AOPEP: variants seen among roughly 807,000 people sequenced by gnomAD.
AOPEP encodes the protein aminopeptidase O.
In AOPEP, 77 loss-of-function variants were observed where a neutral mutation model predicts 98.1. That is an observed-to-expected ratio of 0.78 (90% CI 0.65 to 0.95). The LOEUF is 0.95. Ranked by LOEUF, AOPEP falls within the 40% of genes least tolerant of loss-of-function variation. AOPEP has a pLI of 0.00. For missense variants in AOPEP, 1,024 were observed against 1,024.7 expected (o/e 1.00, Z 0.01); for synonymous variants, 346 against 365.3 (o/e 0.95, Z 0.60).
At chr9:94,885,086 C>T (rs998545707) in intron 5 of AOPEP, among the ~76,000 whole-genome samples, 13 of 151,012 alleles carry the variant, frequency 8.6e-5, no homozygotes, top group Non-Finnish European at 7.4e-5. Flanking sequence ...CAGTGGCTCA[C>T]GCCTGTAATC....
intron 5 of AOPEP, among the ~76,000 whole-genome samples, chr9:94,815,082 A>C (rs1048639698): frequency 6.6e-6 from 1 of 152,118 alleles, no homozygotes; most frequent in African/African-American, 2.4e-5. Flanking sequence ...TCTTGGTCCC[A>C]TATTTGTGGG....
chr9:94,764,294 A>G (rs1839072270), intron 2 of AOPEP, among the ~76,000 whole-genome samples: 1 of 152,214 alleles, frequency 6.6e-6, no homozygotes, highest in African/African-American at 2.4e-5. Context: ...AGGTCAGCGT[A>G]AAGTCTAAGA....
chr9:95,148,602 G>T, the AOPEP span, among the ~76,000 whole-genome samples: 10 of 152,168 alleles, frequency 6.6e-5, no homozygotes, highest in African/African-American at 2.4e-4. Flanking sequence ...CTCCATGGTG[G>T]CAGTAATGAC....
chr9:94,887,382 G>A (rs10739990), intron 5 of AOPEP, among the ~76,000 whole-genome samples: 136,292 of 151,316 alleles, frequency 0.9, 61,785 homozygotes, highest in East Asian at 0.97. Context: ...AATAATTCAT[G>A]TAAGTTAAAT....
chr9:94,855,719 G>T (rs1014722338), intron 5 of AOPEP, among the ~76,000 whole-genome samples: 3 of 152,138 alleles, frequency 2.0e-5, no homozygotes, highest in Admixed American at 6.5e-5. Flanking sequence ...AAAAGAAATT[G>T]TGGGGCATCT....
At chr9:94,805,424 A>C (rs1394180465) in intron 5 of AOPEP, among the ~76,000 whole-genome samples, 1 of 151,946 alleles carries the variant, frequency 6.6e-6, no homozygotes, top group East Asian at 1.9e-4. Context: ...ACAGAGAGGG[A>C]AGCTGTGTCT....
chr9:95,068,418 A>G (rs2068132242), intron 14 of AOPEP, among the ~76,000 whole-genome samples: 1 of 152,070 alleles, frequency 6.6e-6, no homozygotes, highest in African/African-American at 2.4e-5. Flanking sequence ...GTATTGACTA[A>G]TGGTGTTGAG....
intron 5 of AOPEP, among the ~76,000 whole-genome samples, chr9:94,868,913 T>A (rs1187551497): frequency 2.0e-5 from 3 of 152,186 alleles, no homozygotes; most frequent in African/African-American, 7.2e-5. Context: ...CTGCAGCTTG[T>A]TTTTTCCTCT....
chr9:95,004,803 C>T (rs914002535), intron 11 of AOPEP, among the ~76,000 whole-genome samples: 2 of 146,248 alleles, frequency 1.4e-5, no homozygotes, highest in African/African-American at 2.5e-5. Flanking sequence ...GCGGGGCGGC[C>T]GGAGCCCGGG....
intron 3 of AOPEP, among the ~76,000 whole-genome samples, chr9:94,773,809 G>A (rs1841429036): frequency 1.3e-5 from 2 of 151,508 alleles, no homozygotes; most frequent in Admixed American, 6.6e-5. Flanking sequence ...TCTGTTGCCC[G>A]GGCTGGAGTG....
chr9:94,914,945 C>T (rs749598162), intron 5 of AOPEP, among the ~76,000 whole-genome samples: 12 of 152,164 alleles, frequency 7.9e-5, no homozygotes, highest in South Asian at 4.1e-4. Context: ...AAAAATTATT[C>T]GTTGTTTATC....
At chr9:95,120,898 C>T in the AOPEP span, among the ~76,000 whole-genome samples, 1 of 152,108 alleles carries the variant, frequency 6.6e-6, no homozygotes, top group Non-Finnish European at 1.5e-5. Context: ...TGGCAGCTTA[C>T]ACTTCTATTT....
At chr9:95,108,284 G>A in the AOPEP span, among the ~76,000 whole-genome samples, 28 of 152,324 alleles carry the variant, frequency 1.8e-4, no homozygotes, top group South Asian at 6.2e-4. Context: ...GAGCGGCAGC[G>A]CTCCAGCAGG....
intron 13 of AOPEP, among the ~76,000 whole-genome samples, chr9:95,060,120 C>T (rs930191333): frequency 6.6e-6 from 1 of 152,202 alleles, no homozygotes; most frequent in Non-Finnish European, 1.5e-5. Context: ...TGTATAGCTG[C>T]ACATATAGTT....
intron 5 of AOPEP, among the ~76,000 whole-genome samples, chr9:94,844,422 A>G (rs1282296199): frequency 6.6e-6 from 1 of 152,244 alleles, no homozygotes; most frequent in Non-Finnish European, 1.5e-5. Context: ...CAGTGCATGT[A>G]TACATAGTAT....
At chr9:94,755,796 G>T (rs998803868) in intron 1 of AOPEP, among the ~76,000 whole-genome samples, 7 of 152,204 alleles carry the variant, frequency 4.6e-5, no homozygotes, top group African/African-American at 1.7e-4. Context: ...CAAACAAAAA[G>T]AAATGGGTGA....
intron 1 of AOPEP, among the ~76,000 whole-genome samples, chr9:94,727,893 A>G (rs924050371): frequency 3.9e-5 from 6 of 152,190 alleles, no homozygotes; most frequent in Non-Finnish European, 7.3e-5. Context: ...TACTTCATAC[A>G]ACCACCTCGT....
intron 9 of AOPEP, among the ~76,000 whole-genome samples, chr9:94,963,139 GC>G (rs1318608089): frequency 1.1e-4 from 16 of 151,910 alleles, no homozygotes; most frequent in Non-Finnish European, 1.6e-4. Flanking sequence ...TTTTTATCTT[GC>G]CAATCCTGTC....
intron 5 of AOPEP, among the ~76,000 whole-genome samples, chr9:94,866,008 G>A (rs2045665320): frequency 1.3e-5 from 2 of 152,298 alleles, no homozygotes; most frequent in South Asian, 4.1e-4. Flanking sequence ...ATTGCAAATG[G>A]CATCATTGTG....
Sources: gnomAD v4.1 joint callset for allele counts (sites outside exome capture counted in the v4.1 genomes callset) on GRCh38, gnomAD v4.1.1 for gene constraint, MANE v1.5 for transcripts, NCBI Gene and HGNC (gene_info 2026-07-23, HGNC 2026-07-21) for gene names.